RBM15B: variants seen among roughly 807,000 people sequenced by gnomAD.
The protein encoded by RBM15B is putative RNA-binding protein 15B.
RBM15B carries 11 observed loss-of-function variants against 53.3 expected under a neutral mutation model. That is an observed-to-expected ratio of 0.21 (90% CI 0.13 to 0.34). RBM15B has a LOEUF of 0.34. Among genes scored for constraint, RBM15B ranks in the 10% least tolerant of loss-of-function variants. The probability of loss-of-function intolerance (pLI) is 1.00; values close to 1 mark genes in which losing one functional copy is unlikely to be tolerated. For synonymous variants in RBM15B, 631 were observed against 540.7 expected (o/e 1.17, Z -2.32); for missense variants, 1,136 against 1,250.3 (o/e 0.91, Z 1.38).
rs782162082 is a variant in RBM15B, at chr3:51,392,314, C to A, written c.915C>A (p.Asp305Glu). 8.7e-6 allele frequency: 14 copies of A among 1,611,644 alleles called. No individual in the cohort carries two copies. In the Admixed American group the frequency reaches 1.7e-4, roughly 19 times the overall value. The change falls in exon 1 of 1, where the codon GAC becomes GAA. Residue 305 changes from aspartate (D) to glutamate (E), a missense_variant. Around this residue, in one of 7 missense-constraint regions of RBM15B, gnomAD observed 204 missense variants for 196.8 expected, o/e 1.04. Coordinates refer to ENST00000563281, the MANE Select transcript of RBM15B (RefSeq NM_013286.5). This position sits in a 1 kb window ranked among gnomAD's most constrained non-coding sequence, Gnocchi z 7.5. The part of the protein sequence containing the change: ...AVGLSRERAL[D>E]YYGLYDDRGR... The stretch of plus-strand genomic sequence containing the variant: ...GACTGTCCCGGGAGCGGGCCCTGGA[C>A]TACTACGGGCTGTACGACGACCGTG...
chr3:51,391,562 G>A lies in RBM15B; in HGVS notation c.163G>A (p.Asp55Asn), dbSNP rs1480692732. ...AKHPVPARAR[D>N]KPRGSGSGGG... ...GCACCCGGTTCCAGCGCGGGCCCGC[G>A]ACAAACCCCGCGGCAGCGGAAGCGG... Residue 55 changes from aspartate to asparagine, a missense_variant, in exon 1 of 1, where the codon GAC becomes AAC. Transcript: ENST00000563281. The surrounding 1 kb of genome is among the most constrained non-coding windows in gnomAD (Gnocchi z 4.5). 13 of 1,178,882 alleles carry A rather than the reference G, an allele frequency of 1.1e-5. No homozygotes were observed. Among genetic ancestry groups the A allele is most frequent in the Non-Finnish European group, 1.4e-5 (13 of 954,828 alleles). The allele number at this position is 1,178,882 out of a possible 1,614,324, so 73.0% of individuals were successfully genotyped here.
At position 51,391,663 on chromosome 3, in the gene RBM15B, C is replaced by T. The variant is rs1553621539; in HGVS notation, c.264C>T (p.Ser88=). The T allele has an allele frequency of 8.3e-7, 1 of 1,206,958 alleles. No homozygotes were observed. The highest frequency in any genetic ancestry group is 1.0e-6 in the Non-Finnish European group (1 of 973,040). 74.8% of individuals were successfully genotyped at this position (1,206,958 alleles called of 1,614,324 possible). A position where few individuals can be genotyped will look rare whatever the true frequency, so the allele number is the denominator to read the frequency against. ...HRASSGRSSG[S]GAGGGGRGGK... Reference sequence around the variant, plus strand: ...CGAGTAGCGGGCGCTCCTCGGGCTCCGGCGCTGGCGGCGGGGGACGCGGCG... The same window carrying T: ...CGAGTAGCGGGCGCTCCTCGGGCTCTGGCGCTGGCGGCGGGGGACGCGGCG... Residue 88 remains serine, a synonymous_variant, in exon 1 of 1, where the codon TCC becomes TCT. Transcript: ENST00000563281. The surrounding 1 kb of genome is among the most constrained non-coding windows in gnomAD (Gnocchi z 4.5).
Position 51,396,044 on chromosome 3 carries a change from G to A in RBM15B, c.*1972G>A. ...TGTCCTGTTGCAGGCACACTGCAGT[G>A]GTTTTCCTGCAGCTCTCCAACAAAC... On this transcript the variant is annotated 3_prime_UTR_variant, in exon 1 of 1. Coordinates refer to ENST00000563281, the MANE Select transcript of RBM15B (RefSeq NM_013286.5). 1 of 411,918 alleles carries A rather than the reference G, an allele frequency of 2.4e-6. No homozygotes were observed. The highest frequency in any genetic ancestry group is 4.4e-6 in the Non-Finnish European group (1 of 225,664). The allele number at this position is 411,918 out of a possible 1,614,324, so 25.5% of individuals were successfully genotyped here.
In RBM15B at chr3:51,393,430, C is replaced by A. The variant is rs782313550; in HGVS notation, c.2031C>A (p.His677Gln). 6.2e-6 allele frequency: 10 copies of A among 1,613,826 alleles called. No individual in the cohort carries two copies. The highest frequency in any genetic ancestry group is 8.5e-6 in the Non-Finnish European group (10 of 1,179,958). The stretch of plus-strand genomic sequence containing the variant: ...ACCACGAGGCTGCAGACTCTTCCCA[C>A]GGGAAGAAGGCAAGAGACAGCGAGC... Reference protein sequence around the residue: ...HHHHEAADSSHGKKARDSERN... With the variant: ...HHHHEAADSSQGKKARDSERN... Residue 677 changes from histidine to glutamine, a missense_variant, in exon 1 of 1, where the codon CAC becomes CAA. Coordinates refer to ENST00000563281, the MANE Select transcript of RBM15B (RefSeq NM_013286.5). The surrounding 1 kb of genome is among the most constrained non-coding windows in gnomAD (Gnocchi z 5.6).
rs1324305951 is a variant in RBM15B, at chr3:51,396,030, A to G, written c.*1958A>G. On this transcript the variant is annotated 3_prime_UTR_variant, in exon 1 of 1. Transcript: ENST00000563281. ...ACAGGAGTGGGTCTTGTCCTGTTGCAGGCACACTGCAGTGGTTTTCCTGCA... is the reference window on the plus strand; with the variant it reads ...ACAGGAGTGGGTCTTGTCCTGTTGCGGGCACACTGCAGTGGTTTTCCTGCA... 4 of 412,080 alleles carry G rather than the reference A, an allele frequency of 9.7e-6. No individual in the cohort carries two copies. Among genetic ancestry groups the G allele is most frequent in the African/African-American group, 4.1e-5 (2 of 48,606 alleles). The allele number at this position is 412,080 out of a possible 1,614,324, so 25.5% of individuals were successfully genotyped here.
At position 51,394,247 on chromosome 3, in the gene RBM15B, G is replaced by C. The variant is rs2089097405; in HGVS notation, c.*175G>C. ...AAAACTAAGTTCTTAGATTTTGGGG[G>C]ATTTTTTTTTTTAAACGATGAGAAG... On this transcript the variant is annotated 3_prime_UTR_variant, in exon 1 of 1. Coordinates refer to ENST00000563281, the MANE Select transcript of RBM15B (RefSeq NM_013286.5). 1 of 974,134 alleles carries C rather than the reference G, an allele frequency of 1.0e-6. No homozygotes were observed. Among genetic ancestry groups the C allele is most frequent in the Admixed American group, 4.3e-5 (1 of 23,476 alleles). The allele number at this position is 974,134 out of a possible 1,614,324, so 60.3% of individuals were successfully genotyped here.
In RBM15B at chr3:51,394,089, CCAGCGT is replaced by C; in HGVS notation, c.*20_*25del. ...ACTGCCTAGCCCAAGCCTGTCTTTC[CCAGCGT>C]CATGTTTGTGTCACAAAAGCAGTTA... On this transcript the variant is annotated 3_prime_UTR_variant, in exon 1 of 1. Coordinates refer to ENST00000563281, the MANE Select transcript of RBM15B (RefSeq NM_013286.5). 4.3e-6 allele frequency: 6 copies of C among 1,405,352 alleles called. No individual in the cohort carries two copies. Among genetic ancestry groups the C allele is most frequent in the Non-Finnish European group, 5.6e-6 (6 of 1,074,910 alleles). 87.1% of individuals were successfully genotyped at this position (1,405,352 alleles called of 1,614,324 possible).
In RBM15B at chr3:51,393,044, G is replaced by T. The variant is rs782017802; in HGVS notation, c.1645G>T (p.Asp549Tyr). 14 of 1,613,880 alleles carry T rather than the reference G, an allele frequency of 8.7e-6. No individual in the cohort carries two copies. The highest frequency in any genetic ancestry group is 9.3e-6 in the Non-Finnish European group (11 of 1,180,012). ...SDRDRTFLEG[D>Y]WTSPSKSSDR... ...CCGAGACCGGACTTTTTTGGAAGGG[G>T]ACTGGACCAGCCCCAGTAAAAGCTC... The change falls in exon 1 of 1, where the codon GAC becomes TAC. Residue 549 changes from aspartate (D) to tyrosine (Y), a missense_variant. Asp to Tyr is a radical substitution (Grantham distance 160). Coordinates refer to ENST00000563281, the MANE Select transcript of RBM15B (RefSeq NM_013286.5). The surrounding 1 kb of genome is among the most constrained non-coding windows in gnomAD (Gnocchi z 5.6).
chr3:51,391,419 G>C lies in RBM15B; in HGVS notation c.20G>C (p.Arg7Pro), dbSNP rs2089034314. Residue 7 changes from arginine (R) to proline (P), a missense_variant, in exon 1 of 1, where the codon CGA becomes CCA. Around this residue, in one of 7 missense-constraint regions of RBM15B, gnomAD observed 257 missense variants for 261.1 expected, o/e 0.98. Transcript: ENST00000563281. The surrounding 1 kb of genome is among the most constrained non-coding windows in gnomAD (Gnocchi z 4.5). The part of the protein sequence containing the change: MKRQSE[R>P]DSSPSGRGSS... ...AGCGCCATGAAGCGGCAGAGCGAGC[G>C]AGACTCTAGCCCGAGCGGGCGCGGC... is the stretch of plus-strand genomic sequence containing the variant. 1 of 1,268,040 alleles carries C rather than the reference G, an allele frequency of 7.9e-7. No individual in the cohort carries two copies. Among genetic ancestry groups the C allele is most frequent in the Non-Finnish European group, 1.0e-6 (1 of 1,004,250 alleles). The allele number at this position is 1,268,040 out of a possible 1,614,324, so 78.5% of individuals were successfully genotyped here.
Position 51,394,182 on chromosome 3 carries a change from T to C in RBM15B, c.*110T>C. 7.9e-7 allele frequency: 1 copy of C among 1,261,384 alleles called. No individual in the cohort carries two copies. Among genetic ancestry groups the C allele is most frequent in the Non-Finnish European group, 1.0e-6 (1 of 990,708 alleles). The allele number at this position is 1,261,384 out of a possible 1,614,324, so 78.1% of individuals were successfully genotyped here. On this transcript the variant is annotated 3_prime_UTR_variant, in exon 1 of 1. Coordinates refer to ENST00000563281, the MANE Select transcript of RBM15B (RefSeq NM_013286.5). ...GGTTTGAATTATCTCCTGGGTTATT[T>C]TGGTTCATTTGGGTGGGGATCAAAG...
In RBM15B at chr3:51,394,017, T is replaced by C. The variant is rs782276632; in HGVS notation, c.2618T>C (p.Leu873Ser). Reference sequence around the variant, plus strand: ...TACCTCCAGTCAGCACTAAGGACATTGGGCAAGCTAGAAGAAGAACACATG... The same window carrying C: ...TACCTCCAGTCAGCACTAAGGACATCGGGCAAGCTAGAAGAAGAACACATG... The part of the protein sequence containing the change: ...QQYLQSALRT[L>S]GKLEEEHMVI... Residue 873 changes from leucine to serine, a missense_variant, in exon 1 of 1, where the codon TTG (leucine) becomes TCG (serine). Physicochemically the swap from Leu to Ser is moderately radical, Grantham distance 145. This residue lies in a region of RBM15B where 578 missense variants were observed against 581.6 expected (regional missense o/e 0.99). Transcript: ENST00000563281. The C allele has an allele frequency of 1.3e-6, 2 of 1,489,130 alleles. No individual in the cohort carries two copies. The highest frequency in any genetic ancestry group is 1.8e-6 in the Non-Finnish European group (2 of 1,119,150). The allele number at this position is 1,489,130 out of a possible 1,614,324, so 92.2% of individuals were successfully genotyped here. A position where few individuals can be genotyped will look rare whatever the true frequency, so the allele number is the denominator to read the frequency against.
rs782546729 is a variant in RBM15B at position 51,393,102 on chromosome 3, G to T, written c.1703G>T (p.Arg568Leu). The T allele has an allele frequency of 2.5e-6, 4 of 1,614,012 alleles. No homozygotes were observed. Among genetic ancestry groups the T allele is most frequent in the Non-Finnish European group, 3.4e-6 (4 of 1,180,020 alleles). ...DRRNSLEGYS[R>L]SVRSRSGERW... ...CGAAACAGCCTTGAGGGCTACAGTC[G>T]CTCAGTGCGCAGCCGGAGTGGTGAG... Residue 568 changes from arginine to leucine, a missense_variant, in exon 1 of 1, where the codon CGC becomes CTC. By Grantham distance (102) the Arg-to-Leu change is moderately radical. Transcript: ENST00000563281. This position sits in a 1 kb window ranked among gnomAD's most constrained non-coding sequence, Gnocchi z 5.6.
At position 51,392,220 on chromosome 3, in the gene RBM15B, T is replaced by C; in HGVS notation, c.821T>C (p.Leu274Pro). 1 of 1,557,136 alleles carries C rather than the reference T, an allele frequency of 6.4e-7. No homozygotes were observed. The highest frequency in any genetic ancestry group is 8.7e-7 in the Non-Finnish European group (1 of 1,156,004). Residue 274 changes from leucine (L) to proline (P), a missense_variant, in exon 1 of 1, where the codon CTG becomes CCG. Coordinates refer to ENST00000563281, the MANE Select transcript of RBM15B (RefSeq NM_013286.5). The surrounding 1 kb of genome is among the most constrained non-coding windows in gnomAD (Gnocchi z 7.5). ...CTGTCCCCCGTCGCTGCCCCGCCCCTGCGGGAGCCCCGTGCCCGTCACGCC... is the reference window on the plus strand; with the variant it reads ...CTGTCCCCCGTCGCTGCCCCGCCCCCGCGGGAGCCCCGTGCCCGTCACGCC... ...RSLSPVAAPP[L>P]REPRARHAAA...
chr3:51,396,804 C>T lies in RBM15B; in HGVS notation c.*2732C>T, dbSNP rs143467951. ...CTCCCAGCAGAGTTGAGACTGGCTC[C>T]GTTGAGTTAATGACTAGAATATAGT... On this transcript the variant is annotated 3_prime_UTR_variant, in exon 1 of 1. Transcript: ENST00000563281. 4.8e-4 allele frequency: 81 copies of T among 167,220 alleles called. 1 individual carries two copies. Among genetic ancestry groups the T allele is most frequent in the South Asian group, 2.1e-3 (10 of 4,826 alleles). 10.4% of individuals were successfully genotyped at this position (167,220 alleles called of 1,614,324 possible).
Position 51,392,167 on chromosome 3 carries a change from C to T in RBM15B, c.768C>T (p.His256=), listed in dbSNP as rs782270107. 10 of 1,537,636 alleles carry T rather than the reference C, an allele frequency of 6.5e-6. No individual in the cohort carries two copies. In the African/African-American group the frequency reaches 8.2e-5, roughly 13 times the overall value. ...ACCCGCTCGGCTACCTCCCGCTACA[C>T]GGAGGCTACCAGTACAAGCAGCGCT... ...PADPLGYLPL[H]GGYQYKQRSL... is the part of the protein sequence containing the mutation. The change falls in exon 1 of 1, where the codon CAC becomes CAT. Residue 256 remains histidine (H), a synonymous_variant. Transcript: ENST00000563281. The surrounding 1 kb of genome is among the most constrained non-coding windows in gnomAD (Gnocchi z 7.5).
Position 51,396,554 on chromosome 3 carries a change from A to C in RBM15B, c.*2482A>C, listed in dbSNP as rs544274603. 1.8e-5 allele frequency: 3 copies of C among 167,142 alleles called. No homozygotes were observed. The highest frequency in any genetic ancestry group is 4.4e-5 in the Non-Finnish European group (3 of 68,116). 10.4% of individuals were successfully genotyped at this position (167,142 alleles called of 1,614,324 possible). ...CCCACCCAGGGTTCAGGCCCTGTCTAAGGTGTTGCTTAAAGACAAAAAGGC... is the reference window on the plus strand; with the variant it reads ...CCCACCCAGGGTTCAGGCCCTGTCTCAGGTGTTGCTTAAAGACAAAAAGGC... On this transcript the variant is annotated 3_prime_UTR_variant, in exon 1 of 1. Transcript: ENST00000563281.
rs782603273 is a variant in RBM15B, at chr3:51,391,806, C to T, written c.407C>T (p.Pro136Leu). 4.4e-6 allele frequency: 7 copies of T among 1,595,816 alleles called. No individual in the cohort carries two copies. Among genetic ancestry groups the T allele is most frequent in the African/African-American group, 2.7e-5 (2 of 73,578 alleles). ...TGTCCCGGCTCATCCGCGGCCGCGC[C>T]TGAGTACAAGACGTTGCTCATCAGC... ...PACPGSSAAA[P>L]EYKTLLISSL... is the part of the protein sequence containing the mutation. Residue 136 changes from proline (P) to leucine (L), a missense_variant, in exon 1 of 1, where the codon CCT becomes CTT. Around this residue, in one of 7 missense-constraint regions of RBM15B, gnomAD observed 257 missense variants for 261.1 expected, o/e 0.98. Coordinates refer to ENST00000563281, the MANE Select transcript of RBM15B (RefSeq NM_013286.5). The surrounding 1 kb of genome is among the most constrained non-coding windows in gnomAD (Gnocchi z 4.5).
At position 51,394,272 on chromosome 3, in the gene RBM15B, G is replaced by C; in HGVS notation, c.*200G>C. The C allele has an allele frequency of 1.5e-6, 1 of 677,680 alleles. No individual in the cohort carries two copies. The highest frequency in any genetic ancestry group is 2.1e-6 in the Non-Finnish European group (1 of 470,926). 42.0% of individuals were successfully genotyped at this position (677,680 alleles called of 1,614,324 possible). A position where few individuals can be genotyped will look rare whatever the true frequency, so the allele number is the denominator to read the frequency against. On this transcript the variant is annotated 3_prime_UTR_variant, in exon 1 of 1. Transcript: ENST00000563281. ...GATTTTTTTTTTTAAACGATGAGAA[G>C]GGAATCCGGTTATGTTGATTTCTAG...
Position 51,391,465 on chromosome 3 carries a change from T to A in RBM15B, c.66T>A (p.Arg22=). 1 of 1,253,996 alleles carries A rather than the reference T, an allele frequency of 8.0e-7. No individual in the cohort carries two copies. The highest frequency in any genetic ancestry group is 1.0e-6 in the Non-Finnish European group (1 of 996,698). 77.7% of individuals were successfully genotyped at this position (1,253,996 alleles called of 1,614,324 possible). ...SGRGSSSSAK[R]PREREREAEA... ...GCGGCTCGTCATCGTCCGCCAAGCG[T>A]CCGCGGGAGCGCGAACGGGAGGCGG... The change falls in exon 1 of 1, where the codon CGT becomes CGA. Residue 22 remains arginine (R), a synonymous_variant. Transcript: ENST00000563281. The surrounding 1 kb of genome is among the most constrained non-coding windows in gnomAD (Gnocchi z 4.5).
Sources: gnomAD v4.1 joint callset for allele counts on GRCh38, gnomAD v4.1.1 for gene constraint, gnomAD v4.1.1 regional missense constraint, Gnocchi (gnomAD v3.1) non-coding constraint, MANE v1.5 for transcripts, NCBI Gene and HGNC (gene_info 2026-07-23, HGNC 2026-07-21) for gene names.